UNC5D: variants seen among roughly 807,000 people sequenced by gnomAD.
UNC5D encodes the protein unc-5 netrin receptor D.
A neutral mutation model predicts 105.4 loss-of-function variants in UNC5D; 39 were observed. The ratio of observed to expected loss-of-function variants is 0.37; its 90% confidence interval spans 0.29 to 0.48. The LOEUF is 0.48. Ranked by LOEUF, UNC5D falls within the 20% of genes least tolerant of loss-of-function variation. The probability of loss-of-function intolerance (pLI) is 0.98; values close to 1 mark genes in which losing one functional copy is unlikely to be tolerated. For missense variants in UNC5D, 991 were observed against 1,202.4 expected (o/e 0.82, Z 2.60); for synonymous variants, 452 against 450.4 (o/e 1.00, Z -0.04).
chr8:35,722,247 C>T lies in UNC5D; in HGVS notation c.1155C>T (p.Gly385=), dbSNP rs1300005230. The T allele has an allele frequency of 6.2e-7, 1 of 1,614,098 alleles. No individual in the cohort carries two copies. Among genetic ancestry groups the T allele is most frequent in the South Asian group, 1.1e-5 (1 of 91,080 alleles). Residue 385 remains glycine (G), a synonymous_variant, in exon 9 of 17, where the codon GGC becomes GGT. Coordinates refer to ENST00000404895, the MANE Select transcript of UNC5D (RefSeq NM_080872.4). ...ENASDIALYS[G]LGAAVVAVAV... The stretch of plus-strand genomic sequence containing the variant: ...CCAGCGACATTGCTTTGTACTCGGG[C>T]TTGGGTGCTGCCGTCGTGGCCGTTG...
At chr8:35,339,566 G>A (rs541104873) in intron 1 of UNC5D, among the ~76,000 whole-genome samples, 9 of 152,354 alleles carry the variant, frequency 5.9e-5, no homozygotes, top group South Asian at 2.1e-4. Flanking sequence ...ATACAGAGGC[G>A]TGGAAACACG....
intron 1 of UNC5D, among the ~76,000 whole-genome samples, chr8:35,305,297 A>C (rs1025681052): frequency 6.6e-6 from 1 of 152,124 alleles, no homozygotes; most frequent in Non-Finnish European, 1.5e-5. Context: ...GAATTCTTTT[A>C]GAGTTGGTAA....
chr8:35,403,379 T>C (rs565530558), intron 1 of UNC5D, among the ~76,000 whole-genome samples: 3 of 152,174 alleles, frequency 2.0e-5, no homozygotes, highest in Non-Finnish European at 4.4e-5. Context: ...GTTTCAGTCC[T>C]CCTCACCATC....
chr8:35,315,681 T>G (rs1809246368), intron 1 of UNC5D, among the ~76,000 whole-genome samples: 1 of 152,192 alleles, frequency 6.6e-6, no homozygotes, highest in Non-Finnish European at 1.5e-5. Flanking sequence ...AATTTTGTAG[T>G]TTATTGCAAC....
chr8:35,482,579 T>G (rs1810551564), intron 1 of UNC5D, among the ~76,000 whole-genome samples: 1 of 152,122 alleles, frequency 6.6e-6, no homozygotes, highest in Non-Finnish European at 1.5e-5. Context: ...AAATCTATTG[T>G]CTAAATGAGG....
chr8:35,318,625 G>A (rs1809480878), intron 1 of UNC5D, among the ~76,000 whole-genome samples: 1 of 152,030 alleles, frequency 6.6e-6, no homozygotes, highest in Non-Finnish European at 1.5e-5. Context: ...CCACATAATA[G>A]GTCTTTAATA....
At chr8:35,324,121 G>A (rs567382632) in intron 1 of UNC5D, among the ~76,000 whole-genome samples, 1 of 150,546 alleles carries the variant, frequency 6.6e-6, no homozygotes, top group South Asian at 2.1e-4. Flanking sequence ...GTCCCAGTAC[G>A]TACTATAGAG....
At chr8:35,437,500 C>T (rs1349525499) in intron 1 of UNC5D, among the ~76,000 whole-genome samples, 2 of 152,048 alleles carry the variant, frequency 1.3e-5, no homozygotes, top group Non-Finnish European at 2.9e-5. Context: ...TGATGAATAC[C>T]TATTAAATAT....
At chr8:35,328,890 T>C (rs767325967) in intron 1 of UNC5D, among the ~76,000 whole-genome samples, 1 of 152,124 alleles carries the variant, frequency 6.6e-6, no homozygotes, top group Non-Finnish European at 1.5e-5. Context: ...GTCACACACA[T>C]ATATTCATTA....
intron 1 of UNC5D, among the ~76,000 whole-genome samples, chr8:35,370,450 G>A (rs1802366477): frequency 6.6e-6 from 1 of 152,136 alleles, no homozygotes; most frequent in African/African-American, 2.4e-5. Context: ...CCTTGTCAAT[G>A]TAATTGTGTC....
chr8:35,731,009 T>C lies in UNC5D; in HGVS notation c.1682-3T>C, dbSNP rs1406231206. 10 of 1,613,604 alleles carry C rather than the reference T, an allele frequency of 6.2e-6. No individual in the cohort carries two copies. The highest frequency in any genetic ancestry group is 1.3e-5 in the African/African-American group (1 of 74,922). On this transcript the variant is annotated splice_polypyrimidine_tract_variant and splice_region_variant and intron_variant, in intron 10 of 16. Transcript: ENST00000404895. Reference sequence around the variant, plus strand: ...AATAACCTGTTGGCTTTTTCTGTTTTAGGGGTGAGCTTACTCATACCACAC... The same window carrying C: ...AATAACCTGTTGGCTTTTTCTGTTTCAGGGGTGAGCTTACTCATACCACAC...
intron 4 of UNC5D, among the ~76,000 whole-genome samples, chr8:35,673,093 T>G (rs911863986): frequency 2.0e-5 from 3 of 152,188 alleles, no homozygotes; most frequent in Admixed American, 1.3e-4. Flanking sequence ...AATTTCTGCT[T>G]CCTTTTGTGA....
At chr8:35,598,757 A>G (rs1173465805) in intron 4 of UNC5D, among the ~76,000 whole-genome samples, 5 of 152,174 alleles carry the variant, frequency 3.3e-5, no homozygotes, top group Admixed American at 6.5e-5. Flanking sequence ...TTGTGACAAC[A>G]TGGGTGAACC....
chr8:35,471,270 G>A (rs1408155156), intron 1 of UNC5D, among the ~76,000 whole-genome samples: 2 of 152,110 alleles, frequency 1.3e-5, no homozygotes, highest in Non-Finnish European at 2.9e-5. Context: ...GAGATTCCTT[G>A]AGCAAATGAA....
chr8:35,342,141 G>A (rs1190216782), intron 1 of UNC5D, among the ~76,000 whole-genome samples: 1 of 152,100 alleles, frequency 6.6e-6, no homozygotes, highest in Non-Finnish European at 1.5e-5. Flanking sequence ...GTAGGGCCCA[G>A]TGTACCTCAC....
chr8:35,693,966 TA>T (rs2131385981), intron 7 of UNC5D, among the ~76,000 whole-genome samples: 1 of 152,210 alleles, frequency 6.6e-6, no homozygotes, highest in African/African-American at 2.4e-5. Flanking sequence ...AGGATGCATG[TA>T]CCTCAAGGTC....
chr8:35,319,052 G>A (rs1809514666), intron 1 of UNC5D, among the ~76,000 whole-genome samples: 1 of 152,070 alleles, frequency 6.6e-6, no homozygotes, highest in Admixed American at 6.6e-5. Context: ...AGGATTCCAT[G>A]ATTCCTGCGC....
chr8:35,291,463 A>T (rs1349529912), intron 1 of UNC5D, among the ~76,000 whole-genome samples: 1 of 152,210 alleles, frequency 6.6e-6, no homozygotes, highest in South Asian at 2.1e-4. Flanking sequence ...TCTGACCATC[A>T]CTTGCTTAGT....
chr8:35,575,726 T>C (rs2130818435), intron 3 of UNC5D, among the ~76,000 whole-genome samples: 1 of 152,214 alleles, frequency 6.6e-6, no homozygotes, highest in East Asian at 1.9e-4. Flanking sequence ...AAAACAAGTG[T>C]CCAAAGCCAA....
Sources: gnomAD v4.1 joint callset for allele counts (sites outside exome capture counted in the v4.1 genomes callset) on GRCh38, gnomAD v4.1.1 for gene constraint, MANE v1.5 for transcripts, NCBI Gene and HGNC (gene_info 2026-07-23, HGNC 2026-07-21) for gene names.